SUSD1: variants seen among roughly 807,000 people sequenced by gnomAD.
SUSD1 encodes sushi domain containing 1.
Under a neutral mutation model 86.9 loss-of-function variants are expected in SUSD1, and 65 were observed. The observed-to-expected ratio is 0.75, with a 90% CI of 0.61 to 0.92. The LOEUF (loss-of-function observed/expected upper bound fraction) is 0.92. Ranked by LOEUF, SUSD1 falls within the 40% of genes least tolerant of loss-of-function variation. The pLI, the probability that SUSD1 is intolerant of heterozygous loss-of-function variation, is 0.00. For missense variants in SUSD1, 850 were observed against 929.7 expected (o/e 0.91, Z 1.11); for synonymous variants, 346 against 350.0 (o/e 0.99, Z 0.13).
In SUSD1 at chr9:112,063,013, C is replaced by A; in HGVS notation, c.1774G>T (p.Glu592Ter). The A allele has an allele frequency of 6.2e-7, 1 of 1,613,224 alleles. No individual in the cohort carries two copies. Among genetic ancestry groups the A allele is most frequent in the Non-Finnish European group, 8.5e-7 (1 of 1,179,302 alleles). Residue 592 changes from glutamate to a stop codon, truncating the protein, a stop_gained, in exon 13 of 17, where the codon GAA (glutamate) becomes TAA (stop). Transcript: ENST00000374270. LOFTEE classifies it high-confidence loss of function. ...QITEPPLPEVEFFTVHRGPLP... is the reference protein window; with the variant it reads ...QITEPPLPEV ...GGTCCTCTGTGCACCGTAAAAAATT[C>A]TACTTCCGGGAGGGGAGGCTCTGAA...
intron 1 of SUSD1, among the ~76,000 whole-genome samples, chr9:112,158,198 T>C (rs1053930245): frequency 2.8e-4 from 43 of 151,676 alleles, no homozygotes; most frequent in Admixed American, 1.6e-3. Context: ...CAACCACACA[T>C]GGTACTTGCC....
At chr9:112,172,927 G>C (rs1043848040) in intron 1 of SUSD1, among the ~76,000 whole-genome samples, 1 of 152,236 alleles carries the variant, frequency 6.6e-6, no homozygotes, top group African/African-American at 2.4e-5. Flanking sequence ...CATGAAGGGA[G>C]AATGTCTAGA....
intron 2 of SUSD1, among the ~76,000 whole-genome samples, chr9:112,157,260 A>G (rs1341514062): frequency 1.3e-5 from 2 of 152,238 alleles, no homozygotes; most frequent in Admixed American, 1.3e-4. Context: ...GTTAGGTCCC[A>G]GAGTTTCCAG....
intron 8 of SUSD1, among the ~76,000 whole-genome samples, chr9:112,105,724 GACA>G (rs564200115): frequency 6.9e-4 from 105 of 151,986 alleles, no homozygotes; most frequent in African/African-American, 2.3e-3. Context: ...GTCGCAAAAC[GACA>G]ACAACAACAA....
chr9:112,091,305 T>C (rs1350944241), intron 10 of SUSD1, among the ~76,000 whole-genome samples: 1 of 152,226 alleles, frequency 6.6e-6, no homozygotes, highest in East Asian at 1.9e-4. Context: ...TTAATTATCT[T>C]TTGTTTGGAC....
chr9:112,108,800 AGAAAG>A (rs1830961267), intron 8 of SUSD1, among the ~76,000 whole-genome samples: 1 of 143,886 alleles, frequency 6.9e-6, no homozygotes. Context: ...AAGAAAAAAA[AGAAAG>A]AAAGAAAGAA....
At chr9:112,071,843 C>G (rs1252002012) in intron 12 of SUSD1, among the ~76,000 whole-genome samples, 1 of 152,090 alleles carries the variant, frequency 6.6e-6, no homozygotes, top group African/African-American at 2.4e-5. Context: ...TTTTCTAATC[C>G]TCAGGCACCT....
intron 10 of SUSD1, 33 bp downstream of exon 10, chr9:112,098,437 T>C: frequency 1.9e-6 from 3 of 1,605,750 alleles, no homozygotes; most frequent in East Asian, 2.2e-5. Context: ...TAATTTGTCC[T>C]GAGGCACAAA....
At chr9:112,138,257 G>GTATATATATATATATA in intron 5 of SUSD1, among the ~76,000 whole-genome samples, 1 of 25,636 alleles carries the variant, frequency 3.9e-5, no homozygotes, top group South Asian at 9.1e-4. Flanking sequence ...ATATATATAT[G>GTATATATATATATATA]TGTATATACA....
chr9:112,157,298 G>T (rs1304547868), intron 2 of SUSD1, among the ~76,000 whole-genome samples: 3 of 152,152 alleles, frequency 2.0e-5, no homozygotes, highest in Non-Finnish European at 4.4e-5. Flanking sequence ...CCTCTAACAT[G>T]AGGAATACTA....
rs564693462 is a variant in SUSD1, at chr9:112,147,432, G to A, written c.373+1812C>T. On this transcript the variant is annotated intron_variant, in intron 3 of 16. Transcript: ENST00000374270. Reference sequence around the variant, plus strand: ...GAGACAGGAGAAGCACAGGGGAATCGCTTGAACGCAGGAGGCAGAGGTTGC... The same window carrying A: ...GAGACAGGAGAAGCACAGGGGAATCACTTGAACGCAGGAGGCAGAGGTTGC... Among the ~76,000 whole-genome samples, 62 of 152,120 alleles carry A rather than the reference G, an allele frequency of 4.1e-4. No individual in the cohort carries two copies. The South Asian group carries it at 6.8e-3, about 17-fold the overall frequency.
At chr9:112,047,413 G>A (rs186350252) in intron 15 of SUSD1, among the ~76,000 whole-genome samples, 194 of 152,264 alleles carry the variant, frequency 1.3e-3, no homozygotes, top group South Asian at 4.6e-3. Context: ...AGGGCCTTAC[G>A]AGGCTAGAAT....
chr9:112,132,271 A>T (rs1313034936), intron 5 of SUSD1, among the ~76,000 whole-genome samples: 1 of 152,202 alleles, frequency 6.6e-6, no homozygotes, highest in Non-Finnish European at 1.5e-5. Context: ...GAAAAAAGTG[A>T]CCAACAATGC....
intron 5 of SUSD1, among the ~76,000 whole-genome samples, chr9:112,133,765 C>T (rs958790603): frequency 6.6e-6 from 1 of 152,116 alleles, no homozygotes; most frequent in Non-Finnish European, 1.5e-5. Context: ...AAACTATCAA[C>T]AAAGGAAACT....
rs1472854916 is a variant in SUSD1 at position 112,170,708 on chromosome 9, TATAGAG to T, written c.103+4419_103+4424del. 8.5e-3 allele frequency among the ~76,000 whole-genome samples: 808 copies of T among 95,488 alleles called. 4 individuals carry two copies. The highest frequency in any genetic ancestry group is 0.034 in the African/African-American group (742 of 21,596). 62.6% of individuals were successfully genotyped at this position (95,488 alleles called of 152,430 possible). On this transcript the variant is annotated intron_variant, in intron 1 of 16. Coordinates refer to ENST00000374270, the MANE Select transcript of SUSD1 (RefSeq NM_022486.5). ...TGGCCAGATCATATATATATATATATATAGAGAGAGAGAGAGAGAGAGAGAGAGCCT... is the reference window on the plus strand; with the variant it reads ...TGGCCAGATCATATATATATATATATAGAGAGAGAGAGAGAGAGAGAGCCT...
At chr9:112,163,623 G>A (rs1184692001) in intron 1 of SUSD1, among the ~76,000 whole-genome samples, 3 of 150,200 alleles carry the variant, frequency 2.0e-5, no homozygotes, top group Non-Finnish European at 4.4e-5. Flanking sequence ...GGGCAACAGA[G>A]CTAGACTGTC....
At chr9:112,156,784 C>T (rs529762050) in intron 2 of SUSD1, among the ~76,000 whole-genome samples, 2 of 152,218 alleles carry the variant, frequency 1.3e-5, no homozygotes, top group East Asian at 3.9e-4. Flanking sequence ...CTATCCACAA[C>T]TGTAAGGTAA....
At position 112,120,534 on chromosome 9, in the gene SUSD1, T is replaced by C. The variant is rs1280597794; in HGVS notation, c.886+3723A>G. ...AATCATCCCCTTTATCTGCGGAAAT[T>C]GAATTTAGCTGCCAATCCTGATTGA... On this transcript the variant is annotated intron_variant, in intron 6 of 16. Coordinates refer to ENST00000374270, the MANE Select transcript of SUSD1 (RefSeq NM_022486.5). 3.9e-5 allele frequency among the ~76,000 whole-genome samples: 6 copies of C among 152,164 alleles called. No homozygotes were observed. The East Asian group carries it at 1.2e-3, about 29-fold the overall frequency.
intron 12 of SUSD1, among the ~76,000 whole-genome samples, chr9:112,074,365 A>G (rs1182523899): frequency 3.9e-5 from 6 of 152,154 alleles, no homozygotes; most frequent in Non-Finnish European, 2.9e-5. Flanking sequence ...ATTCAGTTCA[A>G]TGTGCCGTCT....
Sources: gnomAD v4.1 joint callset for allele counts (sites outside exome capture counted in the v4.1 genomes callset) on GRCh38, gnomAD v4.1.1 for gene constraint, MANE v1.5 for transcripts, NCBI Gene and HGNC (gene_info 2026-07-23, HGNC 2026-07-21) for gene names.